The following RPS3 variants were observed in gnomAD, a reference collection of about 807,000 sequenced individuals.
The protein encoded by RPS3 is ribosomal protein S3.
A neutral mutation model predicts 25.8 loss-of-function variants in RPS3; 2 were observed. The observed-to-expected ratio is 0.08, with a 90% confidence interval of 0.03 to 0.24. The LOEUF is 0.24. RPS3 is among the 10% of genes least tolerant of loss of function. The pLI, the probability that RPS3 is intolerant of heterozygous loss-of-function variation, is 1.00. For missense variants in RPS3, 107 were observed against 307.1 expected (o/e 0.35, Z 4.87); for synonymous variants, 114 against 114.2 (o/e 1.00, Z 0.01).
chr11:75,411,033 C>T (rs1160372300), downstream of RPS3, among the ~76,000 whole-genome samples: 9 of 151,868 alleles, frequency 5.9e-5, no homozygotes, highest in African/African-American at 1.7e-4. Flanking sequence ...CCTGCCACCA[C>T]GCCTGGCTAG....
downstream of RPS3, among the ~76,000 whole-genome samples, chr11:75,407,321 A>G (rs960461030): frequency 4.6e-5 from 7 of 151,870 alleles, no homozygotes; most frequent in African/African-American, 1.7e-4. Context: ...TATTTTTAGT[A>G]GAGACCGGGT....
In RPS3 at chr11:75,403,945, A is replaced by C; in HGVS notation, c.351-75A>C. On this transcript the variant is annotated intron_variant, in intron 4 of 6. Coordinates refer to ENST00000531188, the MANE Select transcript of RPS3 (RefSeq NM_001005.5). ...TCCATTAAAGGAACATTGAAAACCA[A>C]GTCTTTGTTTTGTTTTTTAAACTTG... The C allele has an allele frequency of 4.2e-6, 6 of 1,416,668 alleles. No homozygotes were observed. In the South Asian group the frequency reaches 7.9e-5, roughly 19 times the overall value. The allele number at this position is 1,416,668 out of a possible 1,614,324, so 87.8% of individuals were successfully genotyped here. A position where few individuals can be genotyped will look rare whatever the true frequency, so the allele number is the denominator to read the frequency against.
In RPS3 at chr11:75,404,519, A is replaced by T. The variant is rs1292704301; in HGVS notation, c.539-153A>T. The T allele has an allele frequency of 1.2e-6, 1 of 843,638 alleles. No individual in the cohort carries two copies. Among genetic ancestry groups the T allele is most frequent in the East Asian group, 2.4e-5 (1 of 41,358 alleles). The allele number at this position is 843,638 out of a possible 1,614,324, so 52.3% of individuals were successfully genotyped here. A position where few individuals can be genotyped will look rare whatever the true frequency, so the allele number is the denominator to read the frequency against. The stretch of plus-strand genomic sequence containing the variant: ...GGTGCTGTGCACGAGTTCCTTTGGC[A>T]GAAGTGTCCTATTTATTGATCGATT... On this transcript the variant is annotated intron_variant, in intron 5 of 6. Coordinates refer to ENST00000531188, the MANE Select transcript of RPS3 (RefSeq NM_001005.5). The surrounding 1 kb of genome is among the most constrained non-coding windows in gnomAD (Gnocchi z 4.6).
At chr11:75,402,219 C>G (rs565339976) in intron 3 of RPS3, 133 bp from the exon 4 acceptor site, 1 of 1,352,830 alleles carries the variant, frequency 7.4e-7, no homozygotes, top group Non-Finnish European at 1.0e-6. Flanking sequence ...AAGCCATCTC[C>G]TGGGCAGCAT....
intron 6 of RPS3, chr11:75,405,109 GT>G (rs1350550333): frequency 2.8e-6 from 1 of 358,208 alleles, no homozygotes; most frequent in Admixed American, 4.4e-5. Flanking sequence ...ATATGAAATA[GT>G]TTTCCCTTAT....
intron 6 of RPS3, among the ~76,000 whole-genome samples, chr11:75,415,761 G>A (rs912183573): frequency 6.0e-5 from 9 of 149,114 alleles, no homozygotes; most frequent in Non-Finnish European, 8.9e-5. Context: ...AGCCGATATC[G>A]TGCCACTGCA....
intron 1 of RPS3, among the ~76,000 whole-genome samples, chr11:75,400,073 A>G (rs1194636433): frequency 6.6e-6 from 1 of 152,188 alleles, no homozygotes; most frequent in Admixed American, 6.5e-5. Flanking sequence ...TTGTCATTAC[A>G]TGGGATAGAA....
At chr11:75,415,355 A>G (rs1592032116) in intron 6 of RPS3, among the ~76,000 whole-genome samples, 3 of 152,322 alleles carry the variant, frequency 2.0e-5, no homozygotes, top group South Asian at 4.1e-4. Flanking sequence ...TTTATCATCT[A>G]TTCCCTCTGT....
At chr11:75,412,170 C>T (rs1396253840) in intron 6 of RPS3, among the ~76,000 whole-genome samples, 1 of 152,216 alleles carries the variant, frequency 6.6e-6, no homozygotes, top group African/African-American at 2.4e-5. Context: ...TGACTGACTC[C>T]AGTAGAACTT....
intron 1 of RPS3, chr11:75,399,845 G>A: frequency 1.8e-6 from 1 of 547,546 alleles, no homozygotes; most frequent in East Asian, 3.2e-5. Flanking sequence ...GCATTTGTCG[G>A]TCAACGGAAT....
intron 2 of RPS3, among the ~76,000 whole-genome samples, 169 bp from the exon 3 acceptor site, chr11:75,401,471 C>T (rs1001475806): frequency 5.9e-5 from 9 of 151,768 alleles, no homozygotes; most frequent in African/African-American, 2.2e-4. Flanking sequence ...GCCTGGGTGA[C>T]AGAGTGAGAC....
At chr11:75,415,550 A>G (rs933033081) in intron 6 of RPS3, among the ~76,000 whole-genome samples, 1 of 152,076 alleles carries the variant, frequency 6.6e-6, no homozygotes, top group South Asian at 2.1e-4. Flanking sequence ...GTTCATGCCT[A>G]TAATCCCAGC....
At chr11:75,414,620 A>T (rs1220723286) in intron 6 of RPS3, among the ~76,000 whole-genome samples, 1 of 143,146 alleles carries the variant, frequency 7.0e-6, no homozygotes, top group African/African-American at 2.6e-5. Context: ...AAAAAAAAAA[A>T]TTAAAATAAA....
downstream of RPS3, among the ~76,000 whole-genome samples, chr11:75,410,071 A>G (rs1445128825): frequency 3.6e-4 from 39 of 107,538 alleles, no homozygotes; most frequent in Admixed American, 3.0e-3. Flanking sequence ...CGGGGGGCTG[A>G]CCCCCCCCTC....
intron 1 of RPS3, among the ~76,000 whole-genome samples, chr11:75,400,111 T>C (rs192018080): frequency 6.6e-6 from 1 of 152,338 alleles, no homozygotes; most frequent in East Asian, 1.9e-4. Flanking sequence ...GCTTTAAAAA[T>C]AGACAGTTTG....
chr11:75,407,040 T>G (rs921967873), downstream of RPS3: 7 of 152,254 alleles, frequency 4.6e-5, no homozygotes, highest in Admixed American at 2.0e-4. Flanking sequence ...AAGACTGCTC[T>G]ATATTCTCAT....
chr11:75,421,191 C>T (rs1168096832), intron 6 of RPS3, among the ~76,000 whole-genome samples: 1 of 152,146 alleles, frequency 6.6e-6, no homozygotes, highest in East Asian at 1.9e-4. Context: ...ATCGGCGGGT[C>T]GGAGCTCAGC....
At chr11:75,410,248 C>T (rs544290725), downstream of RPS3, among the ~76,000 whole-genome samples, 61 of 150,564 alleles carry the variant, frequency 4.1e-4, no homozygotes, top group East Asian at 0.011. Context: ...GGCTGCTGGA[C>T]GGAGGGGCTC....
rs1592024922 is a variant in RPS3, at chr11:75,404,879, A to G, written c.*3+11A>G. On this transcript the variant is annotated intron_variant, in intron 6 of 6. Coordinates refer to ENST00000531188, the MANE Select transcript of RPS3 (RefSeq NM_001005.5). This position sits in a 1 kb window ranked among gnomAD's most constrained non-coding sequence, Gnocchi z 4.6. ...CCCACAGCATAACAGGTATGTCTGC[A>G]AGGGCAGGGGCCTCTTGGGGCATAA... 1.3e-6 allele frequency: 2 copies of G among 1,572,064 alleles called. No homozygotes were observed. Among genetic ancestry groups the G allele is most frequent in the Non-Finnish European group, 1.7e-6 (2 of 1,153,810 alleles).
Sources: allele counts gnomAD v4.1 joint callset (sites outside exome capture counted in the v4.1 genomes callset), GRCh38; gene constraint gnomAD v4.1.1; non-coding constraint Gnocchi (gnomAD v3.1); transcripts MANE v1.5; gene names NCBI Gene and HGNC (gene_info 2026-07-23, HGNC 2026-07-21).